MTCH1: variants seen among roughly 807,000 people sequenced by gnomAD.
MTCH1 encodes mitochondrial carrier 1.
Under a neutral mutation model 49.3 loss-of-function variants are expected in MTCH1, and 23 were observed. The observed-to-expected ratio is 0.47, with a 90% CI of 0.34 to 0.66. MTCH1 has a LOEUF of 0.66. Among genes scored for constraint, MTCH1 ranks in the 30% least tolerant of loss-of-function variants. The probability of loss-of-function intolerance (pLI) is 0.01; values close to 1 mark genes in which losing one functional copy is unlikely to be tolerated. For missense variants in MTCH1, 397 were observed against 532.1 expected, an observed-to-expected ratio of 0.75 and a Z score of 2.50; for synonymous variants, 229 against 215.2, an observed-to-expected ratio of 1.06 and a Z score of -0.56.
At chr6:36,981,196 C>T (rs749375034) in intron 2 of MTCH1, among the ~76,000 whole-genome samples, 9 of 152,182 alleles carry the variant, frequency 5.9e-5, no homozygotes, top group East Asian at 1.9e-4. Flanking sequence ...GAGGACCCCC[C>T]GGGCCTCCTG....
intron 11 of MTCH1, 109 bp downstream of exon 11, chr6:36,969,929 AT>A (rs1763614897): frequency 6.4e-7 from 1 of 1,552,852 alleles, no homozygotes; most frequent in Non-Finnish European, 8.7e-7. Flanking sequence ...ACAATATTGA[AT>A]TCCATGAAAC....
At chr6:36,986,233 T>C (rs1380077904), upstream of MTCH1, 46 of 1,361,706 alleles carry the variant, frequency 3.4e-5, no homozygotes, top group Middle Eastern at 2.7e-4. Context: ...CTCACCGGCG[T>C]CAGGGGGCGG....
chr6:36,982,370 ATATT>A lies in MTCH1; in HGVS notation c.322-702_322-699del, dbSNP rs1370598653. On this transcript the variant is annotated intron_variant, in intron 1 of 11. Transcript: ENST00000373627. The surrounding 1 kb of genome is among the most constrained non-coding windows in gnomAD (Gnocchi z 4.1). ...TGTACAGATGCTTCTTATATCTGAA[ATATT>A]TATTTATTTATTTTTTTTTTTGAGA... is the stretch of plus-strand genomic sequence containing the variant. 5.3e-5 allele frequency among the ~76,000 whole-genome samples: 8 copies of A among 150,796 alleles called. No individual in the cohort carries two copies. Among genetic ancestry groups the A allele is most frequent in the South Asian group, 2.1e-4 (1 of 4,746 alleles).
intron 7 of MTCH1, among the ~76,000 whole-genome samples, chr6:36,974,235 C>CG: frequency 6.6e-6 from 1 of 152,244 alleles, no homozygotes; most frequent in South Asian, 2.1e-4. Flanking sequence ...GGGTCTCACT[C>CG]TATCACCCAG....
chr6:36,968,978 G>A lies in MTCH1; in HGVS notation c.1099-4C>T. 6.2e-7 allele frequency: 1 copy of A among 1,613,912 alleles called. No individual in the cohort carries two copies. Among genetic ancestry groups the A allele is most frequent in the Non-Finnish European group, 8.5e-7 (1 of 1,179,892 alleles). On this transcript the variant is annotated splice_region_variant and splice_polypyrimidine_tract_variant and intron_variant, in intron 11 of 11. Coordinates refer to ENST00000373627, the MANE Select transcript of MTCH1 (RefSeq NM_001271641.2). ...TGGAGCCTCGGAAGAGCTGGCCCTG[G>A]ACCAGAAGGAAAAGTAAGGTGAGTG... is the stretch of plus-strand genomic sequence containing the variant.
rs1262891844 is a variant in MTCH1, at chr6:36,982,761, G to A, written c.322-1089C>T. Reference sequence around the variant, plus strand: ...ATGTGAGGAGCAGGAAGTCTCTGTCGAGGGGTGAGAGCCCCTGCTGCCAGG... The same window carrying A: ...ATGTGAGGAGCAGGAAGTCTCTGTCAAGGGGTGAGAGCCCCTGCTGCCAGG... On this transcript the variant is annotated intron_variant, in intron 1 of 11. Transcript: ENST00000373627. This position sits in a 1 kb window ranked among gnomAD's most constrained non-coding sequence, Gnocchi z 4.1. Among the ~76,000 whole-genome samples, 5 of 152,238 alleles carry A rather than the reference G, an allele frequency of 3.3e-5. No individual in the cohort carries two copies. Among genetic ancestry groups the A allele is most frequent in the Non-Finnish European group, 7.3e-5 (5 of 68,038 alleles).
At chr6:36,971,264 G>C (rs1763675241) in intron 8 of MTCH1, among the ~76,000 whole-genome samples, 1 of 152,222 alleles carries the variant, frequency 6.6e-6, no homozygotes, top group Non-Finnish European at 1.5e-5. Flanking sequence ...GATTTGCTCA[G>C]ATGTCTGCTT....
chr6:36,984,877 C>T (rs1318708939), intron 1 of MTCH1, among the ~76,000 whole-genome samples: 1 of 152,094 alleles, frequency 6.6e-6, no homozygotes, highest in African/African-American at 2.4e-5. Context: ...GTCCCTTCTG[C>T]CCAATTTCAA....
rs995037411 is a variant in MTCH1 at position 36,982,635 on chromosome 6, C to T, written c.322-963G>A. Among the ~76,000 whole-genome samples the T allele has an allele frequency of 9.2e-5, 14 of 152,196 alleles. No homozygotes were observed. Among genetic ancestry groups the T allele is most frequent in the Admixed American group, 2.0e-4 (3 of 15,290 alleles). On this transcript the variant is annotated intron_variant, in intron 1 of 11. Transcript: ENST00000373627. This position sits in a 1 kb window ranked among gnomAD's most constrained non-coding sequence, Gnocchi z 4.1. ...AACTCCCGACCTCAGGTGATCCACCCGCCTCGGCCTCCCAAAGTGCTGGGA... is the reference window on the plus strand; with the variant it reads ...AACTCCCGACCTCAGGTGATCCACCTGCCTCGGCCTCCCAAAGTGCTGGGA...
At chr6:36,980,581 A>C (rs1294280313) in intron 2 of MTCH1, among the ~76,000 whole-genome samples, 1 of 152,256 alleles carries the variant, frequency 6.6e-6, no homozygotes, top group Non-Finnish European at 1.5e-5. Flanking sequence ...ACAGGGACAA[A>C]ACTGGAAGAG....
chr6:36,970,691 T>G lies in MTCH1; in HGVS notation c.910A>C (p.Ser304Arg). 1.2e-6 allele frequency: 2 copies of G among 1,614,112 alleles called. No individual in the cohort carries two copies. The highest frequency in any genetic ancestry group is 1.7e-6 in the Non-Finnish European group (2 of 1,180,026). ...GNDQNPGSQF[S>R]QALAIRSYTK... ...TAGCTCCGGATGGCCAGGGCCTGGC[T>G]GAACTGAGGAGACAGAAGGGAAGAG... The change falls in exon 9 of 12, where the codon AGC becomes CGC. Residue 304 changes from serine to arginine, a missense_variant. By Grantham distance (110) the Ser-to-Arg change is moderately radical. This residue lies in a region of MTCH1 where 252 missense variants were observed against 388.3 expected (regional missense o/e 0.65). Transcript: ENST00000373627.
intron 8 of MTCH1, among the ~76,000 whole-genome samples, chr6:36,971,503 C>T (rs3778026): frequency 3.3e-5 from 5 of 151,896 alleles, no homozygotes; most frequent in East Asian, 1.9e-4. Flanking sequence ...CAAGGCCCCC[C>T]GAGAAGGGGC....
At chr6:36,984,133 T>G (rs529688827) in intron 1 of MTCH1, among the ~76,000 whole-genome samples, 3 of 152,220 alleles carry the variant, frequency 2.0e-5, no homozygotes, top group African/African-American at 7.2e-5. Context: ...CCACAGACTC[T>G]CCCACCTGTG....
chr6:36,978,875 C>CATTT (rs1491325260), intron 2 of MTCH1, among the ~76,000 whole-genome samples: 6 of 100,418 alleles, frequency 6.0e-5, no homozygotes, highest in Non-Finnish European at 5.6e-5. Flanking sequence ...TCCCTCCCTC[C>CATTT]TTTTTTTTTT....
In MTCH1 at chr6:36,981,495, C is replaced by T. The variant is rs114303333; in HGVS notation, c.406+93G>A. 1.1e-3 allele frequency: 1,235 copies of T among 1,157,900 alleles called. 5 individuals are homozygous for T. In the African/African-American group the frequency reaches 0.012, roughly 11 times the overall value. The allele number at this position is 1,157,900 out of a possible 1,614,324, so 71.7% of individuals were successfully genotyped here. On this transcript the variant is annotated intron_variant, in intron 2 of 11. Transcript: ENST00000373627. Reference sequence around the variant, plus strand: ...GCCAGCTCGACTGCGTGCCATGCTGCGCAGTGAGTTCCCCGGGGCCAGCTG... The same window carrying T: ...GCCAGCTCGACTGCGTGCCATGCTGTGCAGTGAGTTCCCCGGGGCCAGCTG...
At position 36,975,640 on chromosome 6, in the gene MTCH1, G is replaced by C. The variant is rs888715967; in HGVS notation, c.761+18C>G. ...AGCCATGCCCGTGGCCAGTTATGGG[G>C]TGTATAAACTCACGTACACGAAGAA... On this transcript the variant is annotated intron_variant, in intron 7 of 11. Transcript: ENST00000373627. The C allele has an allele frequency of 1.9e-6, 3 of 1,613,220 alleles. No homozygotes were observed. The highest frequency in any genetic ancestry group is 2.5e-6 in the Non-Finnish European group (3 of 1,179,184).
intron 11 of MTCH1, chr6:36,969,455 C>T: frequency 8.4e-6 from 9 of 1,074,488 alleles, no homozygotes; most frequent in South Asian, 2.8e-5. Flanking sequence ...AAGGTTCTGC[C>T]CTCGGCCAAA....
At chr6:36,986,452 G>A (rs1422752280), upstream of MTCH1, among the ~76,000 whole-genome samples, 1 of 152,046 alleles carries the variant, frequency 6.6e-6, no homozygotes, top group African/African-American at 2.4e-5. Flanking sequence ...GATGCCCAGA[G>A]CACGCGGGGG....
intron 11 of MTCH1, chr6:36,969,559 G>C: frequency 8.7e-7 from 1 of 1,151,128 alleles, no homozygotes; most frequent in Non-Finnish European, 1.1e-6. Context: ...ACTGCTGCCA[G>C]TTCCCCACGT....
Sources: gnomAD v4.1 joint callset for allele counts (sites outside exome capture counted in the v4.1 genomes callset) on GRCh38, gnomAD v4.1.1 for gene constraint, gnomAD v4.1.1 regional missense constraint, Gnocchi (gnomAD v3.1) non-coding constraint, MANE v1.5 for transcripts, NCBI Gene and HGNC (gene_info 2026-07-23, HGNC 2026-07-21) for gene names.